The following TIMELESS variants were observed in gnomAD, a reference collection of about 807,000 sequenced individuals.
TIMELESS encodes protein timeless homolog.
TIMELESS carries 124 observed loss-of-function variants against 164.3 expected under a neutral mutation model. That is an observed-to-expected ratio of 0.75 (90% confidence interval 0.65 to 0.88). The LOEUF (loss-of-function observed/expected upper bound fraction) is 0.88. Ranked by LOEUF, TIMELESS falls within the 40% of genes least tolerant of loss-of-function variation. The probability of loss-of-function intolerance (pLI) is 0.00; values close to 1 mark genes in which losing one functional copy is unlikely to be tolerated. For missense variants in TIMELESS, 1,422 were observed against 1,491.4 expected, an observed-to-expected ratio of 0.95 and a Z score of 0.77; for synonymous variants, 564 against 563.4, an observed-to-expected ratio of 1.00 and a Z score of -0.02.
Position 56,424,835 on chromosome 12 carries a change from C to T in TIMELESS, c.1795G>A (p.Ala599Thr). ...AGACAGTCTTGGATCCGTACCATAG[C>T]TTCTGCCCGCTGCTCCTCCACTGGC... Reference protein sequence around the residue: ...EVPVEEQRAEAMVRIQDCLLA... With the variant: ...EVPVEEQRAETMVRIQDCLLA... The change falls in exon 15 of 29, where the codon GCT (alanine) becomes ACT (threonine). Residue 599 changes from alanine to threonine, a missense_variant. Physicochemically the swap from Ala to Thr is moderately conservative, Grantham distance 58 (BLOSUM62 0). Coordinates refer to ENST00000553532, the MANE Select transcript of TIMELESS (RefSeq NM_003920.5). 6.2e-7 allele frequency: 1 copy of T among 1,614,236 alleles called. No homozygotes were observed. The highest frequency in any genetic ancestry group is 8.5e-7 in the Non-Finnish European group (1 of 1,180,040).
Position 56,427,210 on chromosome 12 carries a change from C to T in TIMELESS, c.1578+1026G>A, listed in dbSNP as rs140994442. 4.1e-4 allele frequency among the ~76,000 whole-genome samples: 62 copies of T among 152,218 alleles called. 1 individual carries two copies. In the Middle Eastern group the frequency reaches 0.014, roughly 33 times the overall value. On this transcript the variant is annotated intron_variant, in intron 13 of 28. Transcript: ENST00000553532. ...TGATCTTGGCCTACTGCAACCTCTG[C>T]CTCATGGGTTCAAGCAATTCTCGTG... is the stretch of plus-strand genomic sequence containing the variant.
intron 1 of TIMELESS, among the ~76,000 whole-genome samples, chr12:56,439,167 CAAAAAAAAAAAAAAAAAAA>C (rs57127557): frequency 2.3e-5 from 2 of 85,640 alleles, no homozygotes; most frequent in Non-Finnish European, 4.4e-5. Context: ...AACTCCTTCT[CAAAAAAAAAAAAAAAAAAA>C]AAAAAAAAAA....
chr12:56,426,830 G>A (rs750615990), intron 13 of TIMELESS, among the ~76,000 whole-genome samples: 3 of 152,196 alleles, frequency 2.0e-5, no homozygotes, highest in Non-Finnish European at 4.4e-5. Flanking sequence ...AAAGTGCTGG[G>A]ATTACAGGCA....
At chr12:56,431,053 G>T in intron 8 of TIMELESS, 85 bp from the exon 9 acceptor site, 2 of 953,786 alleles carry the variant, frequency 2.1e-6, no homozygotes, top group Non-Finnish European at 3.1e-6. Flanking sequence ...ATTGGAGCAA[G>T]TTAAAACTAC....
intron 26 of TIMELESS, among the ~76,000 whole-genome samples, chr12:56,419,476 G>GTGTGTA (rs1555176396): frequency 6.6e-6 from 1 of 151,628 alleles, no homozygotes; most frequent in Admixed American, 6.6e-5. Context: ...GTGTGTGTGT[G>GTGTGTA]TGTGTGTGTG....
chr12:56,430,292 CG>C lies in TIMELESS; in HGVS notation c.910-12del. On this transcript the variant is annotated splice_polypyrimidine_tract_variant and intron_variant, in intron 9 of 28. Transcript: ENST00000553532. Reference sequence around the variant, plus strand: ...ACTGTAGTTTCGTAGCTGGGTGTGTCGGTTGGGGGATTAGAATTACTCCTAA... The same window carrying C: ...ACTGTAGTTTCGTAGCTGGGTGTGTCGTTGGGGGATTAGAATTACTCCTAA... The C allele has an allele frequency of 6.2e-7, 1 of 1,608,618 alleles. No homozygotes were observed. The highest frequency in any genetic ancestry group is 1.1e-5 in the South Asian group (1 of 90,408).
In TIMELESS at chr12:56,432,502, G is replaced by T. The variant is rs778396878; in HGVS notation, c.554C>A (p.Ala185Asp). 3.7e-6 allele frequency: 6 copies of T among 1,614,060 alleles called. No individual in the cohort carries two copies. The East Asian group carries it at 1.3e-4, about 36-fold the overall frequency. The stretch of plus-strand genomic sequence containing the variant: ...AATCGCCCAGAGGAGCTGGTCATGG[G>T]CACTGGCGTCATCATCAATCTTCTG... Reference protein sequence around the residue: ...QEKKIDDDASAHDQLLWAIHL... With the variant: ...QEKKIDDDASDHDQLLWAIHL... Residue 185 changes from alanine (A) to aspartate (D), a missense_variant, in exon 7 of 29, where the codon GCC becomes GAC. Physicochemically the swap from Ala to Asp is moderately radical, Grantham distance 126. Coordinates refer to ENST00000553532, the MANE Select transcript of TIMELESS (RefSeq NM_003920.5).
In TIMELESS at chr12:56,438,681, G is replaced by A. The variant is rs1328823119; in HGVS notation, c.-61-4450C>T. On this transcript the variant is annotated intron_variant, in intron 1 of 28. Transcript: ENST00000553532. The stretch of plus-strand genomic sequence containing the variant: ...TGGTCCTAGCTACTAGAGAAGCTGA[G>A]GTGGGAGAATTACTTGAGCCTGGGA... 6.6e-5 allele frequency among the ~76,000 whole-genome samples: 10 copies of A among 150,810 alleles called. No individual in the cohort carries two copies. In the South Asian group the frequency reaches 1.0e-3, roughly 16 times the overall value.
intron 1 of TIMELESS, among the ~76,000 whole-genome samples, chr12:56,438,204 C>G (rs1240722386): frequency 6.6e-6 from 1 of 152,136 alleles, no homozygotes; most frequent in African/African-American, 2.4e-5. Flanking sequence ...CACCACAACA[C>G]CCAGCTAATT....
At chr12:56,440,842 G>C (rs1336077050) in intron 1 of TIMELESS, among the ~76,000 whole-genome samples, 1 of 152,180 alleles carries the variant, frequency 6.6e-6, no homozygotes, top group Non-Finnish European at 1.5e-5. Context: ...TTTTGAGACA[G>C]GGTCTCCCTC....
In TIMELESS at chr12:56,422,112, C is replaced by A. The variant is rs114131942; in HGVS notation, c.2518G>T (p.Val840Leu). 2,316 of 1,614,200 alleles carry A rather than the reference C, an allele frequency of 1.4e-3. 22 individuals carry two copies. The African/African-American group carries it at 0.027, about 19-fold the overall frequency. ...AGATCCCAAGGCCTCTCACCTTCCA[C>A]GTCCTTATTGGCGAGGTACAGCTCC... ...LRELYLANKD[V>L]EGQDVVEAIL... Residue 840 changes from valine (V) to leucine (L), a missense_variant, in exon 20 of 29, where the codon GTG (valine) becomes TTG (leucine). Val to Leu is a conservative substitution (Grantham distance 32). Transcript: ENST00000553532.
At chr12:56,429,707 C>T (rs778475401) in intron 10 of TIMELESS, among the ~76,000 whole-genome samples, 9 of 145,444 alleles carry the variant, frequency 6.2e-5, no homozygotes, top group African/African-American at 1.8e-4. Flanking sequence ...AGTAGAGATA[C>T]GGTTTCACCA....
intron 17 of TIMELESS, 42 bp downstream of exon 17, chr12:56,423,542 C>A: frequency 3.1e-6 from 5 of 1,612,884 alleles, no homozygotes; most frequent in Non-Finnish European, 4.2e-6. Flanking sequence ...CACAGCCGCA[C>A]AATCGCCACT....
intron 26 of TIMELESS, 120 bp downstream of exon 26, chr12:56,420,449 G>A (rs1433746501): frequency 1.9e-5 from 15 of 785,078 alleles, no homozygotes; most frequent in Non-Finnish European, 3.1e-5. Flanking sequence ...ACAAGACAAT[G>A]AGAAGGACCA....
intron 26 of TIMELESS, among the ~76,000 whole-genome samples, chr12:56,419,761 T>A (rs1485211543): frequency 1.3e-5 from 2 of 151,050 alleles, no homozygotes; most frequent in Non-Finnish European, 2.9e-5. Flanking sequence ...CCACTGTAGA[T>A]CGACAATATT....
chr12:56,434,280 G>C (rs1000729591), intron 1 of TIMELESS, 49 bp from the exon 2 acceptor site: 3 of 872,272 alleles, frequency 3.4e-6, no homozygotes, highest in East Asian at 2.6e-5. Context: ...TCCATGAAAA[G>C]AAGATAGGAA....
intron 1 of TIMELESS, among the ~76,000 whole-genome samples, chr12:56,439,215 T>C (rs1330860369): frequency 7.2e-6 from 1 of 138,398 alleles, no homozygotes; most frequent in African/African-American, 2.7e-5. Context: ...ACACAAAAGG[T>C]CATATATTGT....
intron 8 of TIMELESS, 71 bp downstream of exon 8, chr12:56,431,400 C>T: frequency 6.7e-7 from 1 of 1,490,232 alleles, no homozygotes; most frequent in South Asian, 1.3e-5. Flanking sequence ...ATCACCCCAC[C>T]TTAGAATTTG....
At chr12:56,433,250 G>A in intron 5 of TIMELESS, 123 bp from the exon 6 acceptor site, 1 of 1,372,808 alleles carries the variant, frequency 7.3e-7, no homozygotes, top group Non-Finnish European at 1.0e-6. Context: ...ACAGTACTGA[G>A]GCAGCCAGAG....
Sources: gnomAD v4.1 joint callset for allele counts (sites outside exome capture counted in the v4.1 genomes callset) on GRCh38, gnomAD v4.1.1 for gene constraint, MANE v1.5 for transcripts, NCBI Gene and HGNC (gene_info 2026-07-23, HGNC 2026-07-21) for gene names.